Variants in MED13 observed in about 807,000 individuals in gnomAD.
MED13 encodes mediator of RNA polymerase II transcription subunit 13.
In MED13, 23 loss-of-function variants were observed where a neutral mutation model predicts 225.2. The observed-to-expected ratio is 0.10, with a 90% CI of 0.07 to 0.14. The LOEUF (loss-of-function observed/expected upper bound fraction) is 0.14. Ranked by LOEUF, MED13 falls within the 10% of genes least tolerant of loss-of-function variation. The probability of loss-of-function intolerance (pLI) is 1.00; values close to 1 mark genes in which losing one functional copy is unlikely to be tolerated. For synonymous variants in MED13, 942 were observed against 889.2 expected (o/e 1.06, Z -1.06); for missense variants, 2,197 against 2,594.5 (o/e 0.85, Z 3.33).
intron 16 of MED13, among the ~76,000 whole-genome samples, chr17:61,981,611 T>C (rs1346264632): frequency 6.6e-6 from 1 of 152,228 alleles, no homozygotes; most frequent in Non-Finnish European, 1.5e-5. Flanking sequence ...CTCATTTAAC[T>C]ACATAGCTCA....
chr17:62,014,460 G>GTGCCCGCCACCACACTGGGC (rs1359749754), intron 8 of MED13, among the ~76,000 whole-genome samples: 2 of 152,004 alleles, frequency 1.3e-5, no homozygotes, highest in Admixed American at 1.3e-4. Flanking sequence ...GGGATTACAG[G>GTGCCCGCCACCACACTGGGC]TGCCCGCCAC....
Position 62,011,229 on chromosome 17 carries a change from T to G in MED13, c.1288A>C (p.Lys430Gln). The change falls in exon 9 of 30, where the codon AAA (lysine) becomes CAA (glutamine). Residue 430 changes from lysine to glutamine, a missense_variant. By Grantham distance (53) the Lys-to-Gln change is moderately conservative. Transcript: ENST00000397786. ...QRTNCSCLRH[K>Q]NLKSRNAGQQ... ...CCAGCATTTCTTGACTTGAGATTTT[T>G]GTGCCTGAAAAGTGAAAATAAAGGT... 6.2e-7 allele frequency: 1 copy of G among 1,604,288 alleles called. No individual in the cohort carries two copies. Among genetic ancestry groups the G allele is most frequent in the Non-Finnish European group, 8.5e-7 (1 of 1,176,092 alleles).
chr17:62,040,209 T>C (rs1426976381), intron 3 of MED13, among the ~76,000 whole-genome samples: 2 of 152,244 alleles, frequency 1.3e-5, no homozygotes, highest in East Asian at 3.9e-4. Context: ...CAAACATTTT[T>C]GGTATTTAAC....
chr17:62,024,041 G>C (rs970220876), intron 8 of MED13, among the ~76,000 whole-genome samples: 1 of 147,918 alleles, frequency 6.8e-6, no homozygotes, highest in African/African-American at 2.5e-5. Context: ...TTTTTGAGAC[G>C]GAGTCTCGCT....
intron 9 of MED13, among the ~76,000 whole-genome samples, chr17:61,999,632 A>T (rs1354148638): frequency 6.6e-6 from 1 of 152,212 alleles, no homozygotes; most frequent in Non-Finnish European, 1.5e-5. Context: ...TTTTACAAAC[A>T]TAGTCAATGA....
intron 9 of MED13, among the ~76,000 whole-genome samples, chr17:62,001,708 C>G (rs1164608582): frequency 6.6e-6 from 1 of 152,146 alleles, no homozygotes; most frequent in African/African-American, 2.4e-5. Context: ...TTATTCCCCA[C>G]TCTGTGTCTG....
chr17:61,967,871 C>A (rs2080072759), intron 18 of MED13, among the ~76,000 whole-genome samples, 164 bp downstream of exon 18: 1 of 152,148 alleles, frequency 6.6e-6, no homozygotes, highest in African/African-American at 2.4e-5. Flanking sequence ...ATCTAACAGA[C>A]TGGGTCAAAC....
intron 2 of MED13, among the ~76,000 whole-genome samples, chr17:62,055,106 A>AGGCTGAGGCCAGGTGTGGT (rs1452695404): frequency 2.6e-5 from 4 of 152,192 alleles, no homozygotes; most frequent in Admixed American, 1.3e-4. Context: ...GCTATCCGGG[A>AGGCTGAGGCCAGGTGTGGT]GGCTGAGGCC....
chr17:62,049,846 C>A (rs1450713534), intron 3 of MED13, among the ~76,000 whole-genome samples: 3 of 146,062 alleles, frequency 2.1e-5, no homozygotes, highest in Non-Finnish European at 4.4e-5. Flanking sequence ...AGGAGAATGG[C>A]GTGAACCAGG....
At chr17:62,060,732 C>T (rs2081032649) in intron 2 of MED13, among the ~76,000 whole-genome samples, 1 of 150,688 alleles carries the variant, frequency 6.6e-6, no homozygotes, top group Admixed American at 6.6e-5. Flanking sequence ...CAGAGTCTCA[C>T]TCTGTCGCCC....
intron 10 of MED13, among the ~76,000 whole-genome samples, chr17:61,992,978 G>A (rs1175977871): frequency 1.3e-5 from 2 of 152,050 alleles, no homozygotes; most frequent in Non-Finnish European, 2.9e-5. Flanking sequence ...CATTGGCCAG[G>A]ATGGTCTCAA....
chr17:62,052,854 A>G, intron 2 of MED13, 149 bp from the exon 3 acceptor site: 2 of 474,176 alleles, frequency 4.2e-6, no homozygotes, highest in Admixed American at 8.3e-5. Context: ...ATCTCTAGAC[A>G]TTATCAGGTT....
At chr17:62,015,767 TACACACACTATATATATATAC>T (rs1046750922) in intron 8 of MED13, among the ~76,000 whole-genome samples, 29 of 141,066 alleles carry the variant, frequency 2.1e-4, no homozygotes, top group Non-Finnish European at 3.8e-4. Context: ...AATATAGATA[TACACACACTATATATATATAC>T]ACACACACTA....
At chr17:61,983,538 G>T (rs566407607) in intron 15 of MED13, among the ~76,000 whole-genome samples, 3 of 152,254 alleles carry the variant, frequency 2.0e-5, no homozygotes, top group African/African-American at 7.2e-5. Context: ...AGACATCTCA[G>T]ATTCAGATTT....
chr17:62,034,003 C>T lies in MED13; in HGVS notation c.617-19G>A, dbSNP rs756806007. On this transcript the variant is annotated intron_variant, in intron 4 of 29. Transcript: ENST00000397786. ...AAGATAACTAGAAACCCAAAGCAGA[C>T]ATCAAATAAGTAACAAAAGACTGTT... The T allele has an allele frequency of 6.2e-7, 1 of 1,603,104 alleles. No individual in the cohort carries two copies. The highest frequency in any genetic ancestry group is 8.5e-7 in the Non-Finnish European group (1 of 1,172,460).
At chr17:61,999,356 A>C (rs16945762) in intron 9 of MED13, among the ~76,000 whole-genome samples, 10,233 of 152,252 alleles carry the variant, frequency 0.067, 591 homozygotes, top group South Asian at 0.31. Flanking sequence ...ATCACAGACT[A>C]AACAATCACA....
At chr17:62,035,754 T>A in intron 3 of MED13, 146 bp from the exon 4 acceptor site, 3 of 690,150 alleles carry the variant, frequency 4.3e-6, no homozygotes, top group Non-Finnish European at 7.1e-6. Flanking sequence ...ATCATGGATA[T>A]GAGCAAAGAC....
intron 3 of MED13, among the ~76,000 whole-genome samples, chr17:62,051,806 A>T (rs1430956887): frequency 6.6e-6 from 1 of 152,150 alleles, no homozygotes; most frequent in Non-Finnish European, 1.5e-5. Context: ...ATCCCAACTT[A>T]CTTGCCACTG....
At chr17:61,994,707 C>T (rs759996716) in intron 10 of MED13, among the ~76,000 whole-genome samples, 13 of 152,076 alleles carry the variant, frequency 8.5e-5, no homozygotes, top group Non-Finnish European at 1.8e-4. Context: ...CAAAAAAATA[C>T]ATTTTTCTTT....
Sources: allele counts gnomAD v4.1 joint callset (sites outside exome capture counted in the v4.1 genomes callset), GRCh38; gene constraint gnomAD v4.1.1; transcripts MANE v1.5; gene names NCBI Gene and HGNC (gene_info 2026-07-23, HGNC 2026-07-21).